TP63: variants seen among roughly 807,000 people sequenced by gnomAD.
The protein encoded by TP63 is tumor protein p63.
In TP63, 17 loss-of-function variants were observed where a neutral mutation model predicts 82.8. The ratio of observed to expected loss-of-function variants is 0.21; its 90% CI spans 0.14 to 0.31. The LOEUF is 0.31. Ranked by LOEUF, TP63 falls within the 10% of genes least tolerant of loss-of-function variation. The pLI, the probability that TP63 is intolerant of heterozygous loss-of-function variation, is 1.00. For missense variants in TP63, 648 were observed against 895.3 expected (o/e 0.72, Z 3.52); for synonymous variants, 330 against 321.7 (o/e 1.03, Z -0.28).
At chr3:189,683,668 C>T (rs1208855188) in intron 1 of TP63, among the ~76,000 whole-genome samples, 1 of 152,220 alleles carries the variant, frequency 6.6e-6, no homozygotes, top group Non-Finnish European at 1.5e-5. Flanking sequence ...TGGACAATTG[C>T]AGTTCCCAAA....
rs182473409 is a variant in TP63, at chr3:189,761,799, G to T, written c.324+23025G>T. The stretch of plus-strand genomic sequence containing the variant: ...AAGAAAGAGGTTTATTGGACTTACA[G>T]TTCCACATGGCTGGGGAGGCCTCAC... On this transcript the variant is annotated intron_variant, in intron 3 of 13. Coordinates refer to ENST00000264731, the MANE Select transcript of TP63 (RefSeq NM_003722.5). 1.4e-4 allele frequency among the ~76,000 whole-genome samples: 21 copies of T among 152,332 alleles called. No homozygotes were observed. The East Asian group carries it at 3.3e-3, about 24-fold the overall frequency.
chr3:189,699,597 G>A (rs561913679), intron 1 of TP63, among the ~76,000 whole-genome samples: 2 of 152,000 alleles, frequency 1.3e-5, no homozygotes, highest in South Asian at 2.1e-4. Context: ...CTAAATACTA[G>A]GAAAGTAGGA....
At chr3:189,816,118 G>C (rs555354514) in intron 4 of TP63, among the ~76,000 whole-genome samples, 2 of 152,204 alleles carry the variant, frequency 1.3e-5, no homozygotes, top group South Asian at 4.1e-4. Context: ...AGATTTAAAG[G>C]GCTTCTAATC....
chr3:189,679,109 A>G (rs1715694950), intron 1 of TP63, among the ~76,000 whole-genome samples: 1 of 152,062 alleles, frequency 6.6e-6, no homozygotes, highest in South Asian at 2.1e-4. Context: ...GGGTGCAGAT[A>G]GCTCTTCAAG....
chr3:189,603,643 C>A, the TP63 span, among the ~76,000 whole-genome samples: 1 of 85,790 alleles, frequency 1.2e-5, no homozygotes. Flanking sequence ...GTGGTTTTTG[C>A]CTTCATTAAA....
intron 1 of TP63, among the ~76,000 whole-genome samples, chr3:189,689,232 C>G (rs1716717993): frequency 6.7e-6 from 1 of 149,686 alleles, no homozygotes; most frequent in African/African-American, 2.5e-5. Context: ...TCTCCTGCCT[C>G]AGCCTCCTGA....
chr3:189,811,136 C>A (rs1727519242), intron 4 of TP63, among the ~76,000 whole-genome samples: 1 of 152,146 alleles, frequency 6.6e-6, no homozygotes, highest in Non-Finnish European at 1.5e-5. Context: ...TGGTCTTGAT[C>A]ATTTATGCAA....
At chr3:189,728,420 G>A (rs948519626) in intron 1 of TP63, among the ~76,000 whole-genome samples, 1 of 152,176 alleles carries the variant, frequency 6.6e-6, no homozygotes, top group African/African-American at 2.4e-5. Context: ...GGTTGAGGGT[G>A]TGAACCCAAA....
intron 1 of TP63, among the ~76,000 whole-genome samples, chr3:189,699,932 A>T (rs1190919642): frequency 2.0e-5 from 3 of 152,194 alleles, no homozygotes; most frequent in African/African-American, 7.2e-5. Context: ...ATGTATTTTA[A>T]TTTATCTCAG....
rs148095450 is a variant in TP63, at chr3:189,656,808, C to T, written c.62+25231C>T. ...CATAGCAACACTAAATGTGTATGCACCTAACAACATATCACCAAAATGTAT... is the reference window on the plus strand; with the variant it reads ...CATAGCAACACTAAATGTGTATGCATCTAACAACATATCACCAAAATGTAT... On this transcript the variant is annotated intron_variant, in intron 1 of 13. Transcript: ENST00000264731. 2.8e-3 allele frequency among the ~76,000 whole-genome samples: 427 copies of T among 151,990 alleles called. 3 individuals are homozygous for T. Among genetic ancestry groups the T allele is most frequent in the African/African-American group, 9.8e-3 (407 of 41,476 alleles).
At chr3:189,880,891 CT>C in intron 10 of TP63, 4 of 985,348 alleles carry the variant, frequency 4.1e-6, no homozygotes, top group Non-Finnish European at 4.8e-6. Flanking sequence ...ATCTGTTATG[CT>C]AAAGTTTTTC....
At chr3:189,789,931 C>A in intron 3 of TP63, 1 of 1,298,434 alleles carries the variant, frequency 7.7e-7, no homozygotes, top group South Asian at 1.9e-5. Flanking sequence ...GGTTCTCGGT[C>A]ACCCAATGTA....
intron 1 of TP63, among the ~76,000 whole-genome samples, chr3:189,706,352 G>GTTCAAGTGATTCTCCTGCC (rs1169716352): frequency 4.6e-5 from 7 of 152,050 alleles, no homozygotes; most frequent in Admixed American, 3.3e-4. Context: ...CGCCTCCTGG[G>GTTCAAGTGATTCTCCTGCC]TTCAAGTGAT....
At chr3:189,624,392 A>G in the TP63 span, among the ~76,000 whole-genome samples, 32,165 of 152,146 alleles carry the variant, frequency 0.21, 4,152 homozygotes, top group Admixed American at 0.31. Context: ...ATCATTTTAG[A>G]ACAAAGTGAT....
At chr3:189,632,652 A>AG (rs1208924750) in intron 1 of TP63, among the ~76,000 whole-genome samples, 6 of 152,086 alleles carry the variant, frequency 3.9e-5, no homozygotes, top group African/African-American at 1.4e-4. Flanking sequence ...AAAAAGAGAG[A>AG]GGGGAAGCAA....
At chr3:189,637,935 T>TA (rs1365066085) in intron 1 of TP63, among the ~76,000 whole-genome samples, 8 of 152,132 alleles carry the variant, frequency 5.3e-5, no homozygotes, top group African/African-American at 7.2e-5. Flanking sequence ...TGACATGTTG[T>TA]AAAAAAAGAC....
chr3:189,729,954 C>A (rs1344370903), intron 1 of TP63, among the ~76,000 whole-genome samples: 1 of 152,118 alleles, frequency 6.6e-6, no homozygotes, highest in Admixed American at 6.6e-5. Flanking sequence ...ATAGTAATGG[C>A]AGGGTAAATT....
At chr3:189,688,445 G>A (rs1022362498) in intron 1 of TP63, among the ~76,000 whole-genome samples, 3 of 152,164 alleles carry the variant, frequency 2.0e-5, no homozygotes, top group African/African-American at 7.2e-5. Context: ...AGAGGATGCA[G>A]TTCACACACA....
chr3:189,881,380 C>T (rs959987814), intron 10 of TP63: 2 of 985,262 alleles, frequency 2.0e-6, no homozygotes, highest in African/African-American at 3.5e-5. Context: ...CATCTTCCCA[C>T]ACCCAGTCAC....
Sources: gnomAD v4.1 joint callset for allele counts (sites outside exome capture counted in the v4.1 genomes callset) on GRCh38, gnomAD v4.1.1 for gene constraint, MANE v1.5 for transcripts, NCBI Gene and HGNC (gene_info 2026-07-23, HGNC 2026-07-21) for gene names.